PCDHGA6: variants seen among roughly 807,000 people sequenced by gnomAD.
PCDHGA6 encodes the protein protocadherin gamma subfamily A, 6.
In PCDHGA6, 41 loss-of-function variants were observed where a neutral mutation model predicts 60.6. The observed-to-expected ratio is 0.68, with a 90% CI of 0.53 to 0.88. The LOEUF (loss-of-function observed/expected upper bound fraction) is 0.88. PCDHGA6 is among the 40% of genes least tolerant of loss of function. The pLI is 0.00. For synonymous variants in PCDHGA6, 594 were observed against 524.4 expected (o/e 1.13, Z -1.81); for missense variants, 1,312 against 1,203.0 (o/e 1.09, Z -1.34).
intron 1 of PCDHGA6, chr5:141,404,308 C>G: frequency 1.2e-6 from 2 of 1,613,918 alleles, no homozygotes; most frequent in East Asian, 2.2e-5. Flanking sequence ...CACCTGCTTT[C>G]TCTCAAGCCT....
rs1227487225 is a variant in PCDHGA6, at chr5:141,491,275, G to C, written c.2425-3532G>C. The C allele has an allele frequency of 2.5e-6, 4 of 1,614,082 alleles. 1 individual carries two copies. In the South Asian group the frequency reaches 4.4e-5, roughly 18 times the overall value. On this transcript the variant is annotated intron_variant, in intron 1 of 3. Transcript: ENST00000517434. This position sits in a 1 kb window ranked among gnomAD's most constrained non-coding sequence, Gnocchi z 6.9. Reference sequence around the variant, plus strand: ...CCCTGAGGAAATGCCCAAATCCAGTGACTTCCTCATACACCCTCCTGAGCG... The same window carrying C: ...CCCTGAGGAAATGCCCAAATCCAGTCACTTCCTCATACACCCTCCTGAGCG...
intron 1 of PCDHGA6, chr5:141,433,208 C>CT (rs745329085): frequency 0.022 from 27,155 of 1,216,152 alleles, no homozygotes; most frequent in Non-Finnish European, 0.026. Flanking sequence ...AATCTTCTTT[C>CT]TTTTTTTTTT....
chr5:141,388,826 CAT>C, intron 1 of PCDHGA6: 1 of 1,613,864 alleles, frequency 6.2e-7, no homozygotes, highest in Non-Finnish European at 8.5e-7. Flanking sequence ...AAGAATATTC[CAT>C]AGTTTTGGAA....
chr5:141,422,811 C>T (rs748248571), intron 1 of PCDHGA6: 1 of 1,614,248 alleles, frequency 6.2e-7, no homozygotes, highest in Non-Finnish European at 8.5e-7. Context: ...AGTTTCGAGA[C>T]TTAGAACTGA....
chr5:141,397,953 C>A, intron 1 of PCDHGA6: 2 of 962,110 alleles, frequency 2.1e-6, no homozygotes. Flanking sequence ...CAGGGCAGCC[C>A]CAGCTCAGAC....
intron 1 of PCDHGA6, chr5:141,418,385 G>A (rs759618059): frequency 8.7e-6 from 14 of 1,613,930 alleles, no homozygotes; most frequent in Admixed American, 1.7e-5. Flanking sequence ...AAGTCCTAAC[G>A]AGTATTTCTC....
chr5:141,386,939 A>T (rs2150323633), intron 1 of PCDHGA6, among the ~76,000 whole-genome samples: 1 of 152,358 alleles, frequency 6.6e-6, no homozygotes, highest in South Asian at 2.1e-4. Flanking sequence ...AGAGGTAGGA[A>T]GCAGTGCTTC....
chr5:141,489,293 T>G lies in PCDHGA6; in HGVS notation c.2425-5514T>G. The G allele has an allele frequency of 6.3e-7, 1 of 1,579,940 alleles. No homozygotes were observed. Among genetic ancestry groups the G allele is most frequent in the Non-Finnish European group, 8.6e-7 (1 of 1,162,928 alleles). ...GCTGGGAAATGGCAAGTGCTGTGCA[T>G]GTTGTCCTTGTGCTGCTGGGGCTGG... On this transcript the variant is annotated intron_variant, in intron 1 of 3. Transcript: ENST00000517434. This position sits in a 1 kb window ranked among gnomAD's most constrained non-coding sequence, Gnocchi z 4.5.
intron 1 of PCDHGA6, among the ~76,000 whole-genome samples, chr5:141,436,478 A>G (rs1360229764): frequency 2.0e-5 from 3 of 152,220 alleles, no homozygotes; most frequent in Non-Finnish European, 4.4e-5. Context: ...TGTATCATAG[A>G]AGGATAGCAG....
At chr5:141,386,808 A>C (rs1477071186) in intron 1 of PCDHGA6, among the ~76,000 whole-genome samples, 1 of 152,258 alleles carries the variant, frequency 6.6e-6, no homozygotes, top group Non-Finnish European at 1.5e-5. Flanking sequence ...TATTAGATGC[A>C]TAAAATTGTT....
At chr5:141,481,035 G>C (rs1342607604) in intron 1 of PCDHGA6, among the ~76,000 whole-genome samples, 1 of 152,094 alleles carries the variant, frequency 6.6e-6, no homozygotes, top group Non-Finnish European at 1.5e-5. Flanking sequence ...TCCAGCCTGG[G>C]CGACAGAGCG....
Position 141,489,730 on chromosome 5 carries a change from A to G in PCDHGA6, c.2425-5077A>G. The stretch of plus-strand genomic sequence containing the variant: ...CAGTGCCCAGGATCCGGATGTGGGC[A>G]CCAATACTGTGAGCTTTTACACTCT... On this transcript the variant is annotated intron_variant, in intron 1 of 3. Coordinates refer to ENST00000517434, the MANE Select transcript of PCDHGA6 (RefSeq NM_018919.3). This position sits in a 1 kb window ranked among gnomAD's most constrained non-coding sequence, Gnocchi z 4.5. 6.2e-7 allele frequency: 1 copy of G among 1,614,182 alleles called. No homozygotes were observed. Among genetic ancestry groups the G allele is most frequent in the Non-Finnish European group, 8.5e-7 (1 of 1,180,020 alleles).
At chr5:141,381,445 G>C (rs1777202904) in intron 1 of PCDHGA6, among the ~76,000 whole-genome samples, 1 of 152,248 alleles carries the variant, frequency 6.6e-6, no homozygotes. Context: ...TGTCAGGACA[G>C]TCCTGCATTT....
chr5:141,477,438 C>T lies in PCDHGA6; in HGVS notation c.2425-17369C>T, dbSNP rs1386997844. On this transcript the variant is annotated intron_variant, in intron 1 of 3. Transcript: ENST00000517434. This position sits in a 1 kb window ranked among gnomAD's most constrained non-coding sequence, Gnocchi z 4.9. ...GGAACCCCTTCCCTCTCAGCCCTTA[C>T]AATAGTGCGTGTTCAAGTGTCCGAC... 6.2e-7 allele frequency: 1 copy of T among 1,614,174 alleles called. No homozygotes were observed. The highest frequency in any genetic ancestry group is 8.5e-7 in the Non-Finnish European group (1 of 1,180,030).
chr5:141,432,049 G>T lies in PCDHGA6; in HGVS notation c.2424+55542G>T. The T allele has an allele frequency of 7.4e-6, 12 of 1,614,150 alleles. No individual in the cohort carries two copies. Among genetic ancestry groups the T allele is most frequent in the Non-Finnish European group, 1.0e-5 (12 of 1,180,028 alleles). Reference sequence around the variant, plus strand: ...TGACCGCCACTGACCGGGGAACCCCGCCCCTATCCACGGAAACTCATATCT... The same window carrying T: ...TGACCGCCACTGACCGGGGAACCCCTCCCCTATCCACGGAAACTCATATCT... On this transcript the variant is annotated intron_variant, in intron 1 of 3. Coordinates refer to ENST00000517434, the MANE Select transcript of PCDHGA6 (RefSeq NM_018919.3). The surrounding 1 kb of genome is among the most constrained non-coding windows in gnomAD (Gnocchi z 6.0).
In PCDHGA6 at chr5:141,376,166, G is replaced by A. The variant is rs753856036; in HGVS notation, c.2083G>A (p.Val695Met). ...NDSDLTLYLV[V>M]AVAAVSCVFL... Reference sequence around the variant, plus strand: ...TTCGGACCTCACTCTGTACCTGGTGGTGGCGGTGGCCGCGGTCTCCTGCGT... The same window carrying A: ...TTCGGACCTCACTCTGTACCTGGTGATGGCGGTGGCCGCGGTCTCCTGCGT... The change falls in exon 1 of 4, where the codon GTG becomes ATG. Residue 695 changes from valine to methionine, a missense_variant. Val to Met is a conservative substitution (Grantham distance 21). Transcript: ENST00000517434. The A allele has an allele frequency of 3.3e-5, 53 of 1,614,094 alleles. 1 individual carries two copies. The South Asian group carries it at 5.3e-4, about 16-fold the overall frequency.
chr5:141,423,720 A>G, intron 1 of PCDHGA6: 1 of 957,774 alleles, frequency 1.0e-6, no homozygotes, highest in East Asian at 6.0e-5. Flanking sequence ...TTTTAAGGAG[A>G]TGTTTTTTGA....
At chr5:141,394,072 T>C (rs1384581843) in intron 1 of PCDHGA6, 4 of 1,613,840 alleles carry the variant, frequency 2.5e-6, no homozygotes, top group Non-Finnish European at 3.4e-6. Context: ...ATCTACAATA[T>C]CACAGTGATG....
Position 141,375,688 on chromosome 5 carries a change from C to A in PCDHGA6, c.1605C>A (p.Ser535Arg). The change falls in exon 1 of 4, where the codon AGC becomes AGA. Residue 535 changes from serine (S) to arginine (R), a missense_variant. Coordinates refer to ENST00000517434, the MANE Select transcript of PCDHGA6 (RefSeq NM_018919.3). ...LRDLQLWVTA[S>R]DSGDPPLSSN... ...ACCTACAGCTGTGGGTGACAGCCAG[C>A]GACAGCGGGGACCCGCCTCTTAGCA... 2 of 1,614,256 alleles carry A rather than the reference C, an allele frequency of 1.2e-6. No individual in the cohort carries two copies. The highest frequency in any genetic ancestry group is 2.2e-5 in the South Asian group (2 of 91,090).
Sources: allele counts gnomAD v4.1 joint callset (sites outside exome capture counted in the v4.1 genomes callset), GRCh38; gene constraint gnomAD v4.1.1; non-coding constraint Gnocchi (gnomAD v3.1); transcripts MANE v1.5; gene names NCBI Gene and HGNC (gene_info 2026-07-23, HGNC 2026-07-21).